The following CSMD1 variants were observed in gnomAD, a reference collection of about 807,000 sequenced individuals.
CSMD1 encodes CUB and Sushi multiple domains 1.
A neutral mutation model predicts 417.5 loss-of-function variants in CSMD1; 213 were observed. The ratio of observed to expected loss-of-function variants is 0.51; its 90% CI spans 0.46 to 0.57. The LOEUF (loss-of-function observed/expected upper bound fraction) is 0.57, where lower values mean the gene tolerates loss of function less well. CSMD1 is among the 20% of genes least tolerant of loss of function. The probability of loss-of-function intolerance (pLI) is 0.00; values close to 1 mark genes in which losing one functional copy is unlikely to be tolerated. For missense variants in CSMD1, 6,923 were observed against 4,529.7 expected (o/e 1.53, Z -15.17); for synonymous variants, 2,862 against 1,736.8 (o/e 1.65, Z -16.11).
chr8:3,717,696 ACT>A (rs1271988522), intron 6 of CSMD1, among the ~76,000 whole-genome samples: 14 of 152,330 alleles, frequency 9.2e-5, no homozygotes, highest in East Asian at 3.9e-4. Context: ...AGGTGAAGAC[ACT>A]TAATATTGGT....
rs571313149 is a variant in CSMD1 at position 4,863,447 on chromosome 8, C to G, written c.85+130885G>C. ...ATAGACCAGAGCATGAATCCAGATT[C>G]TAGAACATTCATTTTTAAATTTTAT... On this transcript the variant is annotated intron_variant, in intron 1 of 69. Transcript: ENST00000635120. Among the ~76,000 whole-genome samples, 140 of 152,184 alleles carry G rather than the reference C, an allele frequency of 9.2e-4. 2 individuals carry two copies. Among genetic ancestry groups the G allele is most frequent in the African/African-American group, 3.3e-3 (135 of 41,484 alleles).
chr8:4,349,757 G>A (rs1236213262), intron 3 of CSMD1, among the ~76,000 whole-genome samples: 1 of 150,636 alleles, frequency 6.6e-6, no homozygotes, highest in Non-Finnish European at 1.5e-5. Flanking sequence ...ATGCCCAAAT[G>A]AATCTTTCCT....
intron 1 of CSMD1, among the ~76,000 whole-genome samples, chr8:4,684,465 C>T (rs7003262): frequency 0.048 from 7,341 of 152,180 alleles, 192 homozygotes; most frequent in East Asian, 0.12. Flanking sequence ...TGTTTTGAGA[C>T]GGGGTCTTGC....
chr8:4,158,787 T>G (rs192055674), intron 3 of CSMD1, among the ~76,000 whole-genome samples: 40 of 152,196 alleles, frequency 2.6e-4, no homozygotes, highest in Non-Finnish European at 5.1e-4. Flanking sequence ...GTTGGGATTT[T>G]AGAACTTTCC....
At chr8:3,373,555 A>T (rs1420539924) in intron 18 of CSMD1, 1 of 152,212 alleles carries the variant, frequency 6.6e-6, no homozygotes, top group Non-Finnish European at 1.5e-5. Context: ...TGAAGTGAGG[A>T]GATGAGAGAA....
At chr8:4,520,584 C>G (rs1315900946) in intron 2 of CSMD1, among the ~76,000 whole-genome samples, 1 of 152,064 alleles carries the variant, frequency 6.6e-6, no homozygotes, top group African/African-American at 2.4e-5. Context: ...GTGGTTATGT[C>G]CTGGGGGCGA....
Position 4,507,776 on chromosome 8 carries a change from G to C in CSMD1, c.303-87711C>G, listed in dbSNP as rs181888630. On this transcript the variant is annotated intron_variant, in intron 2 of 69. Transcript: ENST00000635120. The stretch of plus-strand genomic sequence containing the variant: ...GACATCTTGATGATTGTCTATAAGA[G>C]TTGTAATGAAACAGAAGCTTTATAT... Among the ~76,000 whole-genome samples the C allele has an allele frequency of 2.0e-5, 3 of 152,326 alleles. No homozygotes were observed. In the East Asian group the frequency reaches 5.8e-4, roughly 29 times the overall value.
chr8:3,939,821 C>A (rs183844672), intron 5 of CSMD1, among the ~76,000 whole-genome samples: 2 of 151,878 alleles, frequency 1.3e-5, no homozygotes, highest in South Asian at 2.1e-4. Flanking sequence ...TATGAGGATG[C>A]GAAGGCATAA....
At chr8:4,011,863 A>G (rs953141077) in intron 4 of CSMD1, among the ~76,000 whole-genome samples, 2 of 152,146 alleles carry the variant, frequency 1.3e-5, no homozygotes, top group African/African-American at 4.8e-5. Flanking sequence ...TGGTTCCAGG[A>G]TCCACAATGC....
chr8:4,589,640 G>T (rs777807140), intron 2 of CSMD1, among the ~76,000 whole-genome samples: 5 of 152,080 alleles, frequency 3.3e-5, no homozygotes, highest in Non-Finnish European at 7.3e-5. Context: ...ATACTATTAG[G>T]CAAGTGTGTT....
chr8:4,441,486 G>C (rs1364082521), intron 2 of CSMD1, among the ~76,000 whole-genome samples: 1 of 151,656 alleles, frequency 6.6e-6, no homozygotes. Context: ...TTAGACATAA[G>C]GTATTTTACA....
intron 2 of CSMD1, among the ~76,000 whole-genome samples, chr8:4,629,961 T>G (rs1051250042): frequency 1.3e-5 from 2 of 152,118 alleles, no homozygotes; most frequent in Non-Finnish European, 2.9e-5. Flanking sequence ...ACCGCAATAT[T>G]TGAATACTTT....
chr8:3,396,469 A>T, intron 16 of CSMD1, 88 bp from the exon 17 acceptor site: 1 of 922,800 alleles, frequency 1.1e-6, no homozygotes. Flanking sequence ...TTAATCAGAA[A>T]CCCATGTACG....
chr8:4,566,253 A>C (rs1205832601), intron 2 of CSMD1, among the ~76,000 whole-genome samples: 1 of 152,104 alleles, frequency 6.6e-6, no homozygotes, highest in Non-Finnish European at 1.5e-5. Flanking sequence ...TCACTAAAAC[A>C]CTGGTACCTG....
At chr8:3,706,424 C>T (rs139259896) in intron 7 of CSMD1, among the ~76,000 whole-genome samples, 6 of 152,272 alleles carry the variant, frequency 3.9e-5, no homozygotes, top group African/African-American at 1.4e-4. Context: ...CATTGATTAC[C>T]TTCCTCATCT....
At position 2,938,743 on chromosome 8, in the gene CSMD1, T is replaced by C. The variant is rs1801663207; in HGVS notation, c.10537A>G (p.Thr3513Ala). 6.2e-7 allele frequency: 1 copy of C among 1,604,626 alleles called. No individual in the cohort carries two copies. The highest frequency in any genetic ancestry group is 2.2e-5 in the East Asian group (1 of 44,680). The change falls in exon 70 of 70, where the codon ACG (threonine) becomes GCG (alanine). Residue 3513 changes from threonine (T) to alanine (A), a missense_variant and splice_region_variant. Physicochemically the swap from Thr to Ala is moderately conservative, Grantham distance 58. Coordinates refer to ENST00000635120, the MANE Select transcript of CSMD1 (RefSeq NM_033225.6). ...CCATTGTATTGAACTTTTGGTCTCG[T>C]TCTAAGGAAAACAGAAAACAAATCA... ...GFAFYLYKHR[T>A]RPKVQYNGYA...
At chr8:4,145,765 G>A (rs766590211) in intron 3 of CSMD1, among the ~76,000 whole-genome samples, 6 of 151,100 alleles carry the variant, frequency 4.0e-5, no homozygotes, top group Non-Finnish European at 8.8e-5. Context: ...TTCCCTGCAG[G>A]TTCTGCGTCA....
At chr8:3,301,319 G>C (rs1369789678) in intron 25 of CSMD1, among the ~76,000 whole-genome samples, 1 of 152,114 alleles carries the variant, frequency 6.6e-6, no homozygotes, top group East Asian at 1.9e-4. Context: ...GGTGGGCAGG[G>C]AGGAGAGTTT....
intron 1 of CSMD1, among the ~76,000 whole-genome samples, chr8:4,947,550 C>T (rs1286714223): frequency 6.6e-6 from 1 of 152,030 alleles, no homozygotes; most frequent in Non-Finnish European, 1.5e-5. Flanking sequence ...CATGATAATT[C>T]TCTGAATATA....
Sources: allele counts gnomAD v4.1 joint callset (sites outside exome capture counted in the v4.1 genomes callset), GRCh38; gene constraint gnomAD v4.1.1; transcripts MANE v1.5; gene names NCBI Gene and HGNC (gene_info 2026-07-23, HGNC 2026-07-21).